Variants in PCDHGB2 observed in about 807,000 individuals in gnomAD.
The protein encoded by PCDHGB2 is protocadherin gamma-B2.
PCDHGB2 carries 55 observed loss-of-function variants against 59.3 expected under a neutral mutation model. The ratio of observed to expected loss-of-function variants is 0.93; its 90% CI spans 0.75 to 1.16. PCDHGB2 has a LOEUF of 1.16. PCDHGB2 is among the 50% of genes most tolerant of loss of function. PCDHGB2 has a pLI of 0.00. For synonymous variants in PCDHGB2, 516 were observed against 512.0 expected (o/e 1.01, Z -0.11); for missense variants, 1,228 against 1,198.5 (o/e 1.02, Z -0.36).
chr5:141,434,566 G>A (rs1280487112), intron 1 of PCDHGB2, among the ~76,000 whole-genome samples: 1 of 152,196 alleles, frequency 6.6e-6, no homozygotes, highest in African/African-American at 2.4e-5. Flanking sequence ...TTAAGGACAT[G>A]CCCCTGCTGC....
intron 1 of PCDHGB2, chr5:141,374,257 G>A (rs1770316361): frequency 6.8e-6 from 11 of 1,614,042 alleles, no homozygotes; most frequent in Non-Finnish European, 7.6e-6. Context: ...AGCCCCAGGA[G>A]TTGGCGGAGC....
chr5:141,511,411 A>T lies in PCDHGB2; in HGVS notation c.*238A>T. On this transcript the variant is annotated 3_prime_UTR_variant, in exon 4 of 4. Transcript: ENST00000522605. ...GAACCCCCATCCAATCAACTGCTGTACCCATGGGGGTAGTGGGGTTACTGT... is the reference window on the plus strand; with the variant it reads ...GAACCCCCATCCAATCAACTGCTGTTCCCATGGGGGTAGTGGGGTTACTGT... 1.1e-6 allele frequency: 1 copy of T among 901,334 alleles called. No individual in the cohort carries two copies. Among genetic ancestry groups the T allele is most frequent in the Non-Finnish European group, 1.6e-6 (1 of 617,750 alleles). 55.8% of individuals were successfully genotyped at this position (901,334 alleles called of 1,614,324 possible).
intron 1 of PCDHGB2, chr5:141,366,871 G>C: frequency 1.4e-6 from 2 of 1,404,144 alleles, no homozygotes; most frequent in African/African-American, 1.4e-5. Flanking sequence ...TGCTGTATTG[G>C]AGATTAATTT....
At chr5:141,409,973 G>A in intron 1 of PCDHGB2, 1 of 1,613,380 alleles carries the variant, frequency 6.2e-7, no homozygotes, top group Non-Finnish European at 8.5e-7. Context: ...AGTGACTAAG[G>A]TGGTAGCGGT....
chr5:141,413,686 C>T, intron 1 of PCDHGB2: 4 of 1,613,812 alleles, frequency 2.5e-6, no homozygotes, highest in Non-Finnish European at 3.4e-6. Context: ...CGTGAACTCC[C>T]TGCAGAGCTA....
intron 1 of PCDHGB2, chr5:141,478,809 C>G: frequency 6.9e-7 from 1 of 1,453,454 alleles, no homozygotes; most frequent in Non-Finnish European, 9.0e-7. Flanking sequence ...CTTTTGCTAT[C>G]ACAACTAACC....
chr5:141,415,849 C>A (rs1453652151), intron 1 of PCDHGB2: 2 of 1,230,672 alleles, frequency 1.6e-6, no homozygotes, highest in Non-Finnish European at 2.1e-6. Flanking sequence ...CTTTGCAGAA[C>A]CTTGTAGTTT....
intron 1 of PCDHGB2, chr5:141,364,306 G>A (rs760708821): frequency 2.6e-6 from 4 of 1,522,568 alleles, no homozygotes; most frequent in East Asian, 4.5e-5. Flanking sequence ...CCAGAACTAA[G>A]AGAAAATTGG....
rs143083513 is a variant in PCDHGB2 at position 141,431,088 on chromosome 5, T to C, written c.2422-63719T>C. On this transcript the variant is annotated intron_variant, in intron 1 of 3. Coordinates refer to ENST00000522605, the MANE Select transcript of PCDHGB2 (RefSeq NM_018923.3). This position sits in a 1 kb window ranked among gnomAD's most constrained non-coding sequence, Gnocchi z 4.8. The stretch of plus-strand genomic sequence containing the variant: ...TGTCAATTAAATCTAGACATTCTGA[T>C]GGAGGATAAAGTGAAAATATATGGA... 106 of 1,614,180 alleles carry C rather than the reference T, an allele frequency of 6.6e-5. 1 individual carries two copies. The highest frequency in any genetic ancestry group is 3.1e-4 in the East Asian group (14 of 44,890).
At chr5:141,418,917 C>T in intron 1 of PCDHGB2, 1 of 1,613,988 alleles carries the variant, frequency 6.2e-7, no homozygotes, top group Non-Finnish European at 8.5e-7. Context: ...ACGTCACTCT[C>T]TGATCAGATT....
In PCDHGB2 at chr5:141,364,349, G is replaced by A. The variant is rs758855393; in HGVS notation, c.2421+1793G>A. The A allele has an allele frequency of 2.6e-5, 40 of 1,549,338 alleles. No homozygotes were observed. Among genetic ancestry groups the A allele is most frequent in the Non-Finnish European group, 3.1e-5 (36 of 1,150,712 alleles). On this transcript the variant is annotated intron_variant, in intron 1 of 3. Coordinates refer to ENST00000522605, the MANE Select transcript of PCDHGB2 (RefSeq NM_018923.3). ...GAAGGCAATGGCGAGTCCACCTAGG[G>A]GCTGGGGCTGCGGAGAGCTGCTGCT...
chr5:141,448,439 C>T (rs182359185), intron 1 of PCDHGB2, among the ~76,000 whole-genome samples: 7 of 152,232 alleles, frequency 4.6e-5, no homozygotes, highest in Admixed American at 4.6e-4. Context: ...ATTGAGAAGT[C>T]TGACTTCCAT....
rs2096271749 is a variant in PCDHGB2, at chr5:141,418,581, T to G, written c.2421+56025T>G. On this transcript the variant is annotated intron_variant, in intron 1 of 3. Coordinates refer to ENST00000522605, the MANE Select transcript of PCDHGB2 (RefSeq NM_018923.3). The stretch of plus-strand genomic sequence containing the variant: ...ATAGATGCCAATGACAACCCCCCAG[T>G]GTTCAGCCAGGACGTGTACAGGGTT... The G allele has an allele frequency of 2.5e-6, 4 of 1,613,854 alleles. No homozygotes were observed. The South Asian group carries it at 4.4e-5, about 18-fold the overall frequency.
chr5:141,399,972 G>A, intron 1 of PCDHGB2: 1 of 1,612,256 alleles, frequency 6.2e-7, no homozygotes. Flanking sequence ...TCTTCAGCCT[G>A]GGGCTGCGCA....
chr5:141,427,985 C>A (rs747784722), intron 1 of PCDHGB2: 23 of 1,597,524 alleles, frequency 1.4e-5, no homozygotes, highest in Non-Finnish European at 1.9e-5. Context: ...CGCTGGGGCC[C>A]GATGGCTCCG....
Position 141,485,548 on chromosome 5 carries a change from T to C in PCDHGB2, c.2422-9259T>C, listed in dbSNP as rs749739126. ...ACCGAGCAGAGGTAGAGATCGTAGA[T>C]GTGAATGATCACGCCCCCCGTTTTC... On this transcript the variant is annotated intron_variant, in intron 1 of 3. Transcript: ENST00000522605. This position sits in a 1 kb window ranked among gnomAD's most constrained non-coding sequence, Gnocchi z 5.7. The C allele has an allele frequency of 3.1e-6, 5 of 1,614,040 alleles. No homozygotes were observed. The highest frequency in any genetic ancestry group is 3.4e-6 in the Non-Finnish European group (4 of 1,179,942).
chr5:141,497,412 A>G (rs963440048), intron 2 of PCDHGB2, among the ~76,000 whole-genome samples: 13 of 151,982 alleles, frequency 8.6e-5, no homozygotes, highest in African/African-American at 3.1e-4. Flanking sequence ...CTCCCATTCC[A>G]TCAAATGAGA....
intron 1 of PCDHGB2, chr5:141,398,760 C>T: frequency 6.2e-7 from 1 of 1,613,898 alleles, no homozygotes; most frequent in Non-Finnish European, 8.5e-7. Flanking sequence ...ATCGTTTAGT[C>T]CTGACTGCCT....
At chr5:141,426,933 G>A (rs1294433096) in intron 1 of PCDHGB2, 1 of 456,660 alleles carries the variant, frequency 2.2e-6, no homozygotes, top group Non-Finnish European at 4.4e-6. Context: ...GGACATGGGT[G>A]ACCCAGTCCC....
Sources: gnomAD v4.1 joint callset for allele counts (sites outside exome capture counted in the v4.1 genomes callset) on GRCh38, gnomAD v4.1.1 for gene constraint, Gnocchi (gnomAD v3.1) non-coding constraint, MANE v1.5 for transcripts, NCBI Gene and HGNC (gene_info 2026-07-23, HGNC 2026-07-21) for gene names.